ABCA4: variants seen among roughly 807,000 people sequenced by gnomAD.
ABCA4 encodes retinal-specific phospholipid-transporting ATPase ABCA4.
In ABCA4, 196 loss-of-function variants were observed where a neutral mutation model predicts 263.7. The observed-to-expected ratio is 0.74, with a 90% confidence interval of 0.66 to 0.84. The LOEUF (loss-of-function observed/expected upper bound fraction) is 0.84, where lower values mean the gene tolerates loss of function less well. Ranked by LOEUF, ABCA4 falls within the 40% of genes least tolerant of loss-of-function variation. The probability of loss-of-function intolerance (pLI) is 0.00; values close to 1 mark genes in which losing one functional copy is unlikely to be tolerated. For synonymous variants in ABCA4, 1,133 were observed against 1,094.2 expected, an observed-to-expected ratio of 1.04 and a Z score of -0.70; for missense variants, 2,792 against 2,855.1, an observed-to-expected ratio of 0.98 and a Z score of 0.50.
At chr1:94,079,773 T>C (rs1459839857) in intron 8 of ABCA4, among the ~76,000 whole-genome samples, 1 of 152,176 alleles carries the variant, frequency 6.6e-6, no homozygotes, top group Non-Finnish European at 1.5e-5. Context: ...CTTTCTCAGA[T>C]GAAAGGGACT....
In ABCA4 at chr1:94,028,930, A is replaced by AAAAAAAAAAAAAAC. The variant is rs35998587; in HGVS notation, c.4539+514_4539+515insGTTTTTTTTTTTTT. Among the ~76,000 whole-genome samples the AAAAAAAAAAAAAAC allele has an allele frequency of 1.4e-4, 15 of 108,032 alleles. 3 individuals carry two copies. The highest frequency in any genetic ancestry group is 3.0e-4 in the African/African-American group (8 of 26,332). 70.9% of individuals were successfully genotyped at this position (108,032 alleles called of 152,430 possible). On this transcript the variant is annotated intron_variant, in intron 30 of 49. Coordinates refer to ENST00000370225, the MANE Select transcript of ABCA4 (RefSeq NM_000350.3). Reference sequence around the variant, plus strand: ...TCAAAAAAAAAAAAAAAAAAAAAAAAGAAATTCAAACAATGGGATAATATA... The same window carrying AAAAAAAAAAAAAAC: ...TCAAAAAAAAAAAAAAAAAAAAAAAAAAAAAAAAAAAAACGAAATTCAAACAATGGGATAATATA...
rs114147805 is a variant in ABCA4, at chr1:94,018,446, G to T, written c.5196+1136C>A. The T allele has an allele frequency of 4.9e-3, 2,024 of 413,286 alleles. 35 individuals carry two copies. The highest frequency in any genetic ancestry group is 0.038 in the African/African-American group (1,862 of 48,662). The allele number at this position is 413,286 out of a possible 1,614,324, so 25.6% of individuals were successfully genotyped here. On this transcript the variant is annotated intron_variant, in intron 36 of 49. Coordinates refer to ENST00000370225, the MANE Select transcript of ABCA4 (RefSeq NM_000350.3). ...CCCGTGCATTTATGAGTGTTTCCTC[G>T]TGTAGACAGAAGAGAGAGGAAATAA...
At chr1:94,086,893 G>A (rs1418400206) in intron 6 of ABCA4, among the ~76,000 whole-genome samples, 1 of 152,132 alleles carries the variant, frequency 6.6e-6, no homozygotes, top group African/African-American at 2.4e-5. Context: ...CACTCTGGCT[G>A]CTACAACAAA....
At position 94,000,930 on chromosome 1, in the gene ABCA4, T is replaced by C; in HGVS notation, c.6387-2A>G. On this transcript the variant is annotated splice_acceptor_variant, in intron 46 of 49. Transcript: ENST00000370225. LOFTEE classifies it high-confidence loss of function. ...CACAGTGCCTCACATTCTTCCATGC[T>C]GTGGGGCAGGAGAGAGGAGGTGAGC... is the stretch of plus-strand genomic sequence containing the variant. 1 of 1,614,212 alleles carries C rather than the reference T, an allele frequency of 6.2e-7. No homozygotes were observed. Among genetic ancestry groups the C allele is most frequent in the Non-Finnish European group, 8.5e-7 (1 of 1,180,032 alleles).
At chr1:94,092,461 G>A (rs952145360) in intron 6 of ABCA4, among the ~76,000 whole-genome samples, 1 of 152,220 alleles carries the variant, frequency 6.6e-6, no homozygotes, top group Admixed American at 6.5e-5. Flanking sequence ...GAGGAAGCGG[G>A]CTTCAGTGGT....
chr1:94,104,372 A>G (rs1345798551), intron 4 of ABCA4, among the ~76,000 whole-genome samples: 1 of 152,108 alleles, frequency 6.6e-6, no homozygotes, highest in African/African-American at 2.4e-5. Flanking sequence ...TAACCATCAC[A>G]TGTCCCCATT....
intron 36 of ABCA4, among the ~76,000 whole-genome samples, chr1:94,016,982 C>T (rs573543692): frequency 9.2e-5 from 14 of 152,126 alleles, no homozygotes; most frequent in African/African-American, 1.4e-4. Flanking sequence ...CAAGTCAAGA[C>T]GATACAGAAG....
intron 6 of ABCA4, among the ~76,000 whole-genome samples, chr1:94,086,456 C>T (rs187276469): frequency 4.0e-4 from 61 of 152,094 alleles, no homozygotes; most frequent in Admixed American, 7.9e-4. Flanking sequence ...AAATTAATGA[C>T]TTCCTGAAAA....
chr1:94,103,417 A>T (rs1662340471), intron 4 of ABCA4, among the ~76,000 whole-genome samples: 1 of 152,164 alleles, frequency 6.6e-6, no homozygotes, highest in Admixed American at 6.5e-5. Flanking sequence ...TTGGTCTAGG[A>T]CAGTGCTTCT....
At chr1:94,109,646 A>C (rs1282133903) in intron 3 of ABCA4, among the ~76,000 whole-genome samples, 1 of 152,192 alleles carries the variant, frequency 6.6e-6, no homozygotes, top group African/African-American at 2.4e-5. Context: ...TGGAGTAGAT[A>C]CAGAGGCCAG....
chr1:94,026,465 A>C (rs1452885370), intron 30 of ABCA4, among the ~76,000 whole-genome samples: 2 of 152,182 alleles, frequency 1.3e-5, no homozygotes, highest in East Asian at 3.9e-4. Context: ...ACTGGGCTGC[A>C]AACTTGCAGG....
chr1:94,028,919 A>AG (rs1168143819), intron 30 of ABCA4, among the ~76,000 whole-genome samples: 1 of 149,448 alleles, frequency 6.7e-6, no homozygotes, highest in Non-Finnish European at 1.5e-5. Flanking sequence ...AAAAAAAAAA[A>AG]AAAAAAAAAA....
At chr1:94,019,143 A>T (rs1209583996) in intron 36 of ABCA4, among the ~76,000 whole-genome samples, 1 of 144,554 alleles carries the variant, frequency 6.9e-6, no homozygotes, top group Non-Finnish European at 1.5e-5. Flanking sequence ...TCCTGTATTT[A>T]TCTGGTGACC....
rs61783968 is a variant in ABCA4, at chr1:94,031,762, C to T, written c.4128+16G>A. 5.0e-4 allele frequency: 799 copies of T among 1,613,008 alleles called. 5 individuals carry two copies. The highest frequency in any genetic ancestry group is 4.3e-3 in the South Asian group (388 of 90,984). Reference sequence around the variant, plus strand: ...GGAGCCACTGAGCTCAGCTAAACACCGACCGACAATAGTACCTGCGCCAGG... The same window carrying T: ...GGAGCCACTGAGCTCAGCTAAACACTGACCGACAATAGTACCTGCGCCAGG... On this transcript the variant is annotated intron_variant, in intron 27 of 49. Transcript: ENST00000370225.
intron 38 of ABCA4, among the ~76,000 whole-genome samples, chr1:94,014,251 G>T (rs553828934): frequency 6.6e-6 from 1 of 151,176 alleles, no homozygotes; most frequent in South Asian, 2.1e-4. Context: ...AGGGAGAGAG[G>T]GCAGAAGGAA....
At chr1:94,118,730 C>T (rs77357856) in intron 1 of ABCA4, among the ~76,000 whole-genome samples, 3,865 of 152,286 alleles carry the variant, frequency 0.025, 173 homozygotes, top group African/African-American at 0.088. Flanking sequence ...GCCCTCAGCC[C>T]GAGTGGCTCC....
Position 94,094,329 on chromosome 1 carries a change from G to C in ABCA4, c.768+4465C>G, listed in dbSNP as rs537077619. Among the ~76,000 whole-genome samples, 4 of 152,256 alleles carry C rather than the reference G, an allele frequency of 2.6e-5. No individual in the cohort carries two copies. The South Asian group carries it at 8.3e-4, about 32-fold the overall frequency. ...GGAGCCAGAGCCAAGAATGAAACAGGACATTGATGGGCGCATGTAGTCAGA... is the reference window on the plus strand; with the variant it reads ...GGAGCCAGAGCCAAGAATGAAACAGCACATTGATGGGCGCATGTAGTCAGA... On this transcript the variant is annotated intron_variant, in intron 6 of 49. Coordinates refer to ENST00000370225, the MANE Select transcript of ABCA4 (RefSeq NM_000350.3).
intron 44 of ABCA4, among the ~76,000 whole-genome samples, chr1:94,004,584 AT>A (rs1220693778): frequency 1.3e-5 from 2 of 152,166 alleles, no homozygotes; most frequent in African/African-American, 4.8e-5. Flanking sequence ...AGATTATGAT[AT>A]TTATTTGAAA....
At position 94,030,425 on chromosome 1, in the gene ABCA4, T is replaced by TA. The variant is rs2101034860; in HGVS notation, c.4352+2dup. 6.2e-7 allele frequency: 1 copy of TA among 1,614,120 alleles called. No homozygotes were observed. Among genetic ancestry groups the TA allele is most frequent in the Non-Finnish European group, 8.5e-7 (1 of 1,179,984 alleles). ...CTTAGGACAGGGGCGCGTAGGCACT[T>TA]ACGGAAGCCACCCTTCCTTCAGGCA... On this transcript the variant is annotated splice_region_variant and intron_variant, in intron 29 of 49. Transcript: ENST00000370225.
Sources: allele counts gnomAD v4.1 joint callset (sites outside exome capture counted in the v4.1 genomes callset), GRCh38; gene constraint gnomAD v4.1.1; transcripts MANE v1.5; gene names NCBI Gene and HGNC (gene_info 2026-07-23, HGNC 2026-07-21).